Variants in ITGA11 observed in about 807,000 individuals in gnomAD.
ITGA11 encodes integrin subunit alpha 11, also known as integrin alpha-11.
A neutral mutation model predicts 141.9 loss-of-function variants in ITGA11; 97 were observed. The ratio of observed to expected loss-of-function variants is 0.68; its 90% CI spans 0.58 to 0.81. ITGA11 has a LOEUF of 0.81. ITGA11 is among the 30% of genes least tolerant of loss of function. The probability of loss-of-function intolerance (pLI) is 0.00; values close to 1 mark genes in which losing one functional copy is unlikely to be tolerated. For missense variants in ITGA11, 1,387 were observed against 1,559.2 expected, an observed-to-expected ratio of 0.89 and a Z score of 1.86; for synonymous variants, 658 against 624.6, an observed-to-expected ratio of 1.05 and a Z score of -0.80.
intron 2 of ITGA11, among the ~76,000 whole-genome samples, chr15:68,391,738 T>C (rs886195821): frequency 2.6e-5 from 4 of 152,246 alleles, no homozygotes; most frequent in African/African-American, 9.6e-5. Context: ...ATATTTGACT[T>C]GCATTGGTTT....
rs1454314854 is a variant in ITGA11, at chr15:68,313,876, G to A, written c.2793-8C>T. On this transcript the variant is annotated splice_region_variant and splice_polypyrimidine_tract_variant and intron_variant, in intron 22 of 29. Coordinates refer to ENST00000315757, the MANE Select transcript of ITGA11 (RefSeq NM_001004439.2). ...TCCCGCTCATTACTGTCACTGCAAG[G>A]AGAGCCAGGCGGCAAGGTCAGGAAG... 2 of 1,613,124 alleles carry A rather than the reference G, an allele frequency of 1.2e-6. No individual in the cohort carries two copies. The highest frequency in any genetic ancestry group is 1.1e-5 in the South Asian group (1 of 91,022).
intron 1 of ITGA11, among the ~76,000 whole-genome samples, chr15:68,404,387 CCT>C (rs1478560695): frequency 6.6e-6 from 1 of 152,148 alleles, no homozygotes; most frequent in African/African-American, 2.4e-5. Context: ...AAGGGTCGCC[CCT>C]GTTTGTTTAA....
intron 11 of ITGA11, 57 bp downstream of exon 11, chr15:68,339,443 C>A: frequency 3.9e-6 from 6 of 1,556,842 alleles, no homozygotes; most frequent in Non-Finnish European, 5.2e-6. Flanking sequence ...GTTGTGCAGC[C>A]CCTGGGTGCC....
At chr15:68,425,967 G>A (rs559724271) in intron 1 of ITGA11, among the ~76,000 whole-genome samples, 47 of 152,338 alleles carry the variant, frequency 3.1e-4, no homozygotes, top group Admixed American at 5.9e-4. Flanking sequence ...ACCTCTGCCC[G>A]CTTTAGAGCT....
At position 68,348,907 on chromosome 15, in the gene ITGA11, C is replaced by T; in HGVS notation, c.1061-7G>A. 6.2e-7 allele frequency: 1 copy of T among 1,601,472 alleles called. No homozygotes were observed. The highest frequency in any genetic ancestry group is 8.5e-7 in the Non-Finnish European group (1 of 1,173,818). ...GTCTCGTTCTTGTTGGTGCCTGCAACAGAGTGACAGAGAGATGTCAGCTCC... is the reference window on the plus strand; with the variant it reads ...GTCTCGTTCTTGTTGGTGCCTGCAATAGAGTGACAGAGAGATGTCAGCTCC... On this transcript the variant is annotated splice_region_variant and splice_polypyrimidine_tract_variant and intron_variant, in intron 9 of 29. Transcript: ENST00000315757.
At chr15:68,427,041 A>G (rs4542608) in intron 1 of ITGA11, among the ~76,000 whole-genome samples, 14,404 of 126,324 alleles carry the variant, frequency 0.11, 909 homozygotes, top group Non-Finnish European at 0.14. Context: ...AAAAAAAAAA[A>G]GGCAGTGGCC....
chr15:68,364,616 A>T (rs1895355852), intron 4 of ITGA11, 91 bp downstream of exon 4: 1 of 988,398 alleles, frequency 1.0e-6, no homozygotes, highest in Non-Finnish European at 1.6e-6. Context: ...GGTGTACAGG[A>T]TGGACATGAG....
intron 5 of ITGA11, among the ~76,000 whole-genome samples, chr15:68,360,149 G>A (rs1182793926): frequency 6.6e-6 from 1 of 152,228 alleles, no homozygotes; most frequent in African/African-American, 2.4e-5. Context: ...GCCTGGCAGA[G>A]CCTCATACAT....
intron 2 of ITGA11, among the ~76,000 whole-genome samples, chr15:68,396,954 T>C (rs1896268447): frequency 3.0e-4 from 2 of 6,626 alleles, no homozygotes; most frequent in Admixed American, 3.0e-3. Context: ...ATATATTATT[T>C]ATTATATAAT....
intron 1 of ITGA11, among the ~76,000 whole-genome samples, chr15:68,430,242 CCTT>C (rs1404780881): frequency 5.3e-5 from 8 of 152,126 alleles, no homozygotes; most frequent in East Asian, 1.9e-4. Flanking sequence ...GCCCCCTCCT[CCTT>C]GAGTAGCAAC....
At position 68,298,326 on chromosome 15, in the gene ITGA11, T is replaced by C. The variant is rs1239529606; in HGVS notation, c.*4733A>G. On this transcript the variant is annotated 3_prime_UTR_variant, in exon 30 of 30. Coordinates refer to ENST00000315757, the MANE Select transcript of ITGA11 (RefSeq NM_001004439.2). ...GGCGGACTGGGGTTTTGCTTTTGCC[T>C]TAATCAATGGCAAGATACTCTTGCA... 6.6e-6 allele frequency: 1 copy of C among 152,194 alleles called. No individual in the cohort carries two copies. The highest frequency in any genetic ancestry group is 2.4e-5 in the African/African-American group (1 of 41,426). 9.4% of individuals were successfully genotyped at this position (152,194 alleles called of 1,614,324 possible).
At chr15:68,399,723 C>T (rs1250720402) in intron 2 of ITGA11, among the ~76,000 whole-genome samples, 1 of 152,044 alleles carries the variant, frequency 6.6e-6, no homozygotes, top group Non-Finnish European at 1.5e-5. Flanking sequence ...GGTGTGTTCT[C>T]ACTATTATAA....
chr15:68,382,531 G>A (rs916378380), intron 2 of ITGA11, among the ~76,000 whole-genome samples: 2 of 152,206 alleles, frequency 1.3e-5, no homozygotes, highest in African/African-American at 4.8e-5. Context: ...ACATCCAGAC[G>A]TCTGGAACCA....
chr15:68,391,440 C>A (rs1377903351), intron 2 of ITGA11, among the ~76,000 whole-genome samples: 1 of 152,208 alleles, frequency 6.6e-6, no homozygotes, highest in Non-Finnish European at 1.5e-5. Context: ...TTCCATGGAG[C>A]ATTTCCAGAG....
At chr15:68,382,067 G>A (rs1406002051) in intron 2 of ITGA11, among the ~76,000 whole-genome samples, 1 of 152,208 alleles carries the variant, frequency 6.6e-6, no homozygotes, top group East Asian at 1.9e-4. Flanking sequence ...AGTCTTTTCT[G>A]TCTGGTTCAA....
intron 15 of ITGA11, among the ~76,000 whole-genome samples, chr15:68,330,514 C>G (rs1595862326): frequency 6.8e-6 from 1 of 147,496 alleles, no homozygotes; most frequent in Non-Finnish European, 1.5e-5. Flanking sequence ...CAAAAAGCAG[C>G]AAACATACGG....
intron 10 of ITGA11, among the ~76,000 whole-genome samples, chr15:68,345,395 G>A (rs1743425796): frequency 6.6e-6 from 1 of 152,188 alleles, no homozygotes; most frequent in Non-Finnish European, 1.5e-5. Context: ...GGAATGTAAT[G>A]TTTTGGGGCC....
intron 1 of ITGA11, among the ~76,000 whole-genome samples, chr15:68,410,930 C>G (rs921242085): frequency 2.6e-5 from 4 of 152,210 alleles, no homozygotes; most frequent in Non-Finnish European, 5.9e-5. Flanking sequence ...CCTTGGGGAC[C>G]TGCTGCTCTC....
Position 68,303,168 on chromosome 15 carries a change from A to G in ITGA11, c.3496-38T>C, listed in dbSNP as rs1404197712. ...AAAGGGAGACGTCTCAGAGGAGGAC[A>G]GGGTGGGCAAGGCCTGCCCCAGCTT... On this transcript the variant is annotated intron_variant, in intron 29 of 29. Transcript: ENST00000315757. The surrounding 1 kb of genome is among the most constrained non-coding windows in gnomAD (Gnocchi z 5.3). 4 of 1,524,538 alleles carry G rather than the reference A, an allele frequency of 2.6e-6. No homozygotes were observed. The highest frequency in any genetic ancestry group is 2.7e-6 in the Non-Finnish European group (3 of 1,126,008). 94.4% of individuals were successfully genotyped at this position (1,524,538 alleles called of 1,614,324 possible). A position where few individuals can be genotyped will look rare whatever the true frequency, so the allele number is the denominator to read the frequency against.
Sources: allele counts gnomAD v4.1 joint callset (sites outside exome capture counted in the v4.1 genomes callset), GRCh38; gene constraint gnomAD v4.1.1; non-coding constraint Gnocchi (gnomAD v3.1); transcripts MANE v1.5; gene names NCBI Gene and HGNC (gene_info 2026-07-23, HGNC 2026-07-21).